The following HHAT variants were observed in gnomAD, a reference collection of about 807,000 sequenced individuals.
The protein encoded by HHAT is hedgehog acyltransferase, also known as protein-cysteine N-palmitoyltransferase HHAT.
A neutral mutation model predicts 70.8 loss-of-function variants in HHAT; 47 were observed. That is an observed-to-expected ratio of 0.66 (90% CI 0.53 to 0.85). The LOEUF (loss-of-function observed/expected upper bound fraction) is 0.85. HHAT is among the 40% of genes least tolerant of loss of function. The pLI is 0.00. For synonymous variants in HHAT, 228 were observed against 247.6 expected, an observed-to-expected ratio of 0.92 and a Z score of 0.74; for missense variants, 609 against 604.8, an observed-to-expected ratio of 1.01 and a Z score of -0.07.
At chr1:210,540,548 C>T (rs1470199322) in intron 9 of HHAT, among the ~76,000 whole-genome samples, 1 of 151,612 alleles carries the variant, frequency 6.6e-6, no homozygotes, top group Non-Finnish European at 1.5e-5. Context: ...CTAACTCACC[C>T]TCATAGACAT....
chr1:210,555,210 A>AG (rs1386157797), intron 9 of HHAT, among the ~76,000 whole-genome samples: 1 of 152,160 alleles, frequency 6.6e-6, no homozygotes, highest in Non-Finnish European at 1.5e-5. Context: ...CTACAGACAG[A>AG]GGCTACCTCC....
rs540225741 is a variant in HHAT, at chr1:210,367,892, C to T, written c.159+4973C>T. Among the ~76,000 whole-genome samples the T allele has an allele frequency of 1.0e-3, 158 of 151,936 alleles. 1 individual carries two copies. Among genetic ancestry groups the T allele is most frequent in the Middle Eastern group, 3.4e-3 (1 of 294 alleles). ...TGTAATGTTTGCTCTTCCAGGCTGT[C>T]AGGGTAAAAGCCCCTCCCCCACCCC... On this transcript the variant is annotated intron_variant, in intron 3 of 11. Coordinates refer to ENST00000261458, the MANE Select transcript of HHAT (RefSeq NM_018194.6).
At chr1:210,610,336 A>ATG (rs1269915358) in intron 10 of HHAT, among the ~76,000 whole-genome samples, 1 of 151,914 alleles carries the variant, frequency 6.6e-6, no homozygotes, top group African/African-American at 2.4e-5. Context: ...AGTGTCTTTC[A>ATG]TGTCCTTTCC....
At chr1:210,398,825 A>G (rs2148190431) in intron 4 of HHAT, among the ~76,000 whole-genome samples, 1 of 152,282 alleles carries the variant, frequency 6.6e-6, no homozygotes, top group African/African-American at 2.4e-5. Context: ...CCCAGAGGTG[A>G]GGGTTTGAAG....
chr1:210,430,856 T>C (rs1399007596), intron 7 of HHAT, among the ~76,000 whole-genome samples: 1 of 151,976 alleles, frequency 6.6e-6, no homozygotes, highest in Non-Finnish European at 1.5e-5. Context: ...AAGTTCTCTT[T>C]GATGCTTTTG....
At chr1:210,415,802 G>A (rs1306742640) in intron 6 of HHAT, among the ~76,000 whole-genome samples, 2 of 151,950 alleles carry the variant, frequency 1.3e-5, no homozygotes, top group Non-Finnish European at 2.9e-5. Context: ...GGGATTACAG[G>A]TGTCTGCCAC....
chr1:210,381,793 A>G (rs1455376198), intron 3 of HHAT, among the ~76,000 whole-genome samples: 1 of 152,196 alleles, frequency 6.6e-6, no homozygotes, highest in Non-Finnish European at 1.5e-5. Flanking sequence ...CTCCAAAAAC[A>G]GTGGGACCAG....
At chr1:210,625,815 C>T (rs1391443097) in intron 11 of HHAT, among the ~76,000 whole-genome samples, 2 of 152,200 alleles carry the variant, frequency 1.3e-5, no homozygotes, top group Non-Finnish European at 2.9e-5. Context: ...CTGTCTTGTG[C>T]TGGCATCATG....
chr1:210,519,881 G>T (rs2095126433), intron 9 of HHAT, among the ~76,000 whole-genome samples: 1 of 150,776 alleles, frequency 6.6e-6, no homozygotes. Context: ...GGGTGGGGTG[G>T]TATCTCATTG....
At chr1:210,540,503 G>GCA (rs368372222) in intron 9 of HHAT, among the ~76,000 whole-genome samples, 9,855 of 132,340 alleles carry the variant, frequency 0.074, 640 homozygotes, top group East Asian at 0.31. Flanking sequence ...ACACACACAT[G>GCA]CACACACACA....
chr1:210,353,227 C>G (rs977416435), intron 2 of HHAT, among the ~76,000 whole-genome samples: 2 of 151,968 alleles, frequency 1.3e-5, no homozygotes, highest in Admixed American at 1.3e-4. Context: ...TGAGCCACCA[C>G]GCCCGGCCCC....
intron 8 of HHAT, among the ~76,000 whole-genome samples, chr1:210,487,355 T>C (rs2094488494): frequency 6.6e-6 from 1 of 152,062 alleles, no homozygotes; most frequent in Admixed American, 6.6e-5. Flanking sequence ...ATAAACATGG[T>C]CTCCTGCAGA....
At chr1:210,441,854 T>C (rs947805814) in intron 7 of HHAT, among the ~76,000 whole-genome samples, 22 of 139,356 alleles carry the variant, frequency 1.6e-4, no homozygotes, top group African/African-American at 6.7e-4. Context: ...ACACACACAC[T>C]TTTTTTTTAT....
chr1:210,517,464 C>T (rs76857740), intron 9 of HHAT, among the ~76,000 whole-genome samples: 16,747 of 152,000 alleles, frequency 0.11, 1,192 homozygotes, highest in South Asian at 0.18. Context: ...TCTTTTAAGA[C>T]AAAGGTGTAC....
At chr1:210,540,511 A>G (rs1306766454) in intron 9 of HHAT, among the ~76,000 whole-genome samples, 1 of 128,824 alleles carries the variant, frequency 7.8e-6, no homozygotes, top group Non-Finnish European at 1.8e-5. Context: ...ATGCACACAC[A>G]CACAAACACA....
intron 2 of HHAT, among the ~76,000 whole-genome samples, chr1:210,349,532 A>G (rs576326657): frequency 3.3e-5 from 5 of 152,078 alleles, no homozygotes; most frequent in African/African-American, 1.2e-4. Flanking sequence ...TTTTAGCGGC[A>G]GTTTGGCAAG....
chr1:210,428,092 T>C (rs546482161), intron 7 of HHAT, among the ~76,000 whole-genome samples: 3 of 146,168 alleles, frequency 2.1e-5, no homozygotes, highest in Admixed American at 6.9e-5. Flanking sequence ...AAGTCTGTTT[T>C]GTCAGAAATT....
intron 9 of HHAT, among the ~76,000 whole-genome samples, chr1:210,557,491 A>G (rs892350383): frequency 6.6e-6 from 1 of 152,148 alleles, no homozygotes; most frequent in Non-Finnish European, 1.5e-5. Flanking sequence ...CTTTTTGGCT[A>G]CTGTATTAGT....
At chr1:210,376,952 C>T (rs1192159495) in intron 3 of HHAT, among the ~76,000 whole-genome samples, 1 of 152,206 alleles carries the variant, frequency 6.6e-6, no homozygotes, top group Non-Finnish European at 1.5e-5. Context: ...CTGGGGGCCT[C>T]CAACATTTTG....
Sources: gnomAD v4.1 joint callset for allele counts (sites outside exome capture counted in the v4.1 genomes callset) on GRCh38, gnomAD v4.1.1 for gene constraint, MANE v1.5 for transcripts, NCBI Gene and HGNC (gene_info 2026-07-23, HGNC 2026-07-21) for gene names.